TNS1: variants seen among roughly 807,000 people sequenced by gnomAD.
The protein encoded by TNS1 is tensin-1.
TNS1 carries 62 observed loss-of-function variants against 168.6 expected under a neutral mutation model. The ratio of observed to expected loss-of-function variants is 0.37; its 90% CI spans 0.30 to 0.45. The LOEUF (loss-of-function observed/expected upper bound fraction) is 0.45. TNS1 is among the 20% of genes least tolerant of loss of function. The pLI, the probability that TNS1 is intolerant of heterozygous loss-of-function variation, is 1.00. For synonymous variants in TNS1, 934 were observed against 933.2 expected (o/e 1.00, Z -0.02); for missense variants, 2,240 against 2,339.4 (o/e 0.96, Z 0.88).
intron 27 of TNS1, 127 bp from the exon 28 acceptor site, chr2:217,812,572 C>T (rs780879241): frequency 9.9e-6 from 7 of 704,344 alleles, no homozygotes; most frequent in Admixed American, 3.2e-5. Context: ...CAACCCACCA[C>T]CAAAGCTGAA....
intron 18 of TNS1, among the ~76,000 whole-genome samples, chr2:217,861,508 T>C (rs974153184): frequency 6.6e-6 from 1 of 152,132 alleles, no homozygotes; most frequent in Non-Finnish European, 1.5e-5. Flanking sequence ...CTGGAAACCA[T>C]GCTTTTGTTA....
chr2:217,810,168 C>G, intron 29 of TNS1, 80 bp downstream of exon 29: 1 of 1,535,648 alleles, frequency 6.5e-7, no homozygotes, highest in Non-Finnish European at 9.0e-7. Context: ...AGACCTCCAG[C>G]CTGCACGTGC....
At chr2:217,822,656 C>T (rs998802170) in intron 22 of TNS1, among the ~76,000 whole-genome samples, 1 of 152,196 alleles carries the variant, frequency 6.6e-6, no homozygotes, top group Non-Finnish European at 1.5e-5. Context: ...TCATTATACA[C>T]GGCACTACCT....
Position 217,802,627 on chromosome 2 carries a change from G to A in TNS1, c.*1832C>T, listed in dbSNP as rs1457567704. 1 of 152,618 alleles carries A rather than the reference G, an allele frequency of 6.6e-6. No individual in the cohort carries two copies. The highest frequency in any genetic ancestry group is 2.1e-4 in the South Asian group (1 of 4,822). The allele number at this position is 152,618 out of a possible 1,614,324, so 9.5% of individuals were successfully genotyped here. ...CACAGTCTAGGGAAGGCCAAGGCCAGGGCAAGGAGACCCTGGCTGCTTCAA... is the reference window on the plus strand; with the variant it reads ...CACAGTCTAGGGAAGGCCAAGGCCAAGGCAAGGAGACCCTGGCTGCTTCAA... On this transcript the variant is annotated 3_prime_UTR_variant, in exon 33 of 33. Coordinates refer to ENST00000682258, the MANE Select transcript of TNS1 (RefSeq NM_001387777.1).
intron 18 of TNS1, among the ~76,000 whole-genome samples, chr2:217,866,384 T>G (rs1165509940): frequency 3.9e-5 from 6 of 152,186 alleles, no homozygotes; most frequent in Non-Finnish European, 8.8e-5. Flanking sequence ...CCAGAGCCCC[T>G]GGACTTGGCA....
chr2:218,016,760 C>T (rs1483574009), intron 1 of TNS1, among the ~76,000 whole-genome samples: 6 of 152,100 alleles, frequency 3.9e-5, no homozygotes, highest in Non-Finnish European at 8.8e-5. Context: ...TGAGACCTGG[C>T]GTCAAAGACT....
chr2:217,808,511 A>G (rs1939677853), intron 31 of TNS1, 92 bp downstream of exon 31: 2 of 1,123,126 alleles, frequency 1.8e-6, no homozygotes, highest in Non-Finnish European at 2.6e-6. Flanking sequence ...GCACATGCAC[A>G]CACACACACA....
intron 6 of TNS1, among the ~76,000 whole-genome samples, chr2:217,902,568 C>T (rs962259581): frequency 6.6e-6 from 1 of 152,130 alleles, no homozygotes; most frequent in Admixed American, 6.5e-5. Context: ...CTTTCCCCAC[C>T]GCCCTCTTCC....
At chr2:217,821,446 G>A (rs1942832256) in intron 23 of TNS1, among the ~76,000 whole-genome samples, 1 of 152,160 alleles carries the variant, frequency 6.6e-6, no homozygotes, top group Non-Finnish European at 1.5e-5. Flanking sequence ...TTTCAACTTG[G>A]GGAAGGACTT....
intron 23 of TNS1, among the ~76,000 whole-genome samples, 155 bp downstream of exon 23, chr2:217,821,585 A>G (rs1942855969): frequency 6.6e-6 from 1 of 152,134 alleles, no homozygotes; most frequent in South Asian, 2.1e-4. Flanking sequence ...TGTGCCCTCA[A>G]TGCACCTTGA....
intron 18 of TNS1, chr2:217,859,569 T>C (rs1255732915): frequency 7.2e-7 from 1 of 1,392,548 alleles, no homozygotes; most frequent in Admixed American, 2.0e-5. Context: ...CTTTGGATTC[T>C]GGCTTGGCAA....
intron 18 of TNS1, among the ~76,000 whole-genome samples, chr2:217,878,164 T>A (rs1257020189): frequency 6.6e-6 from 1 of 152,212 alleles, no homozygotes. Flanking sequence ...GCTGAACGCC[T>A]GCCTCAGGGC....
At chr2:217,939,936 A>G (rs1049817374) in intron 3 of TNS1, among the ~76,000 whole-genome samples, 9 of 152,208 alleles carry the variant, frequency 5.9e-5, no homozygotes, top group African/African-American at 2.2e-4. Context: ...GGGGCTCTCT[A>G]GCGTCCAGCA....
intron 3 of TNS1, among the ~76,000 whole-genome samples, chr2:217,953,951 C>T (rs1305395025): frequency 1.3e-5 from 2 of 152,194 alleles, no homozygotes; most frequent in East Asian, 3.8e-4. Flanking sequence ...ATGTGGGATT[C>T]AAGACTTGCA....
In TNS1 at chr2:217,893,477, T is replaced by G. The variant is rs61745748; in HGVS notation, c.679A>C (p.Asn227His). ...ACAACGACATTGTGAGGGTCTGCAT[T>G]GAGCCATGTGTCCATGGCCTTACAG... Reference protein sequence around the residue: ...SICKAMDTWLNADPHNVVVLH... With the variant: ...SICKAMDTWLHADPHNVVVLH... The change falls in exon 10 of 33, where the codon AAT becomes CAT. Residue 227 changes from asparagine (N) to histidine (H), a missense_variant. Asn to His is a moderately conservative substitution (Grantham distance 68). Coordinates refer to ENST00000682258, the MANE Select transcript of TNS1 (RefSeq NM_001387777.1). The G allele has an allele frequency of 0.023, 36,358 of 1,612,442 alleles. 563 individuals carry two copies. The highest frequency in any genetic ancestry group is 0.043 in the South Asian group (3,867 of 90,928).
chr2:217,903,788 A>C, intron 6 of TNS1: 2 of 611,148 alleles, frequency 3.3e-6, no homozygotes. Flanking sequence ...AGAGTGGATC[A>C]CCACTCAGAC....
chr2:217,817,487 TCAGCATCCACAACCA>T (rs1159461443), intron 24 of TNS1, among the ~76,000 whole-genome samples, 188 bp downstream of exon 24: 1 of 152,324 alleles, frequency 6.6e-6, no homozygotes, highest in East Asian at 1.9e-4. Flanking sequence ...CATCCTCATC[TCAGCATCCACAACCA>T]CAGCACACGT....
Position 217,848,512 on chromosome 2 carries a change from G to T in TNS1, c.2005C>A (p.Leu669Met), listed in dbSNP as rs1947008604. 1.2e-6 allele frequency: 2 copies of T among 1,613,512 alleles called. No homozygotes were observed. The highest frequency in any genetic ancestry group is 3.3e-5 in the Admixed American group (2 of 59,978). The part of the protein sequence containing the change: ...PEALSPLTNG[L>M]DKSYPMEPMV... ...GGCTCCATGGGGTAGGACTTGTCCA[G>T]ACCGTTGGTCAGTGGGGACAGGGCC... The change falls in exon 19 of 33, where the codon CTG becomes ATG. Residue 669 changes from leucine to methionine, a missense_variant. Transcript: ENST00000682258.
intron 22 of TNS1, among the ~76,000 whole-genome samples, chr2:217,826,129 A>T (rs575508047): frequency 6.6e-6 from 1 of 151,770 alleles, no homozygotes; most frequent in Non-Finnish European, 1.5e-5. Flanking sequence ...TCCCACTGCC[A>T]CCCCTACCTG....
Sources: allele counts gnomAD v4.1 joint callset (sites outside exome capture counted in the v4.1 genomes callset), GRCh38; gene constraint gnomAD v4.1.1; transcripts MANE v1.5; gene names NCBI Gene and HGNC (gene_info 2026-07-23, HGNC 2026-07-21).